Variants in CDKL4 observed in about 807,000 individuals in gnomAD.
CDKL4 encodes cyclin dependent kinase like 4.
CDKL4 carries 44 observed loss-of-function variants against 42.0 expected under a neutral mutation model. The ratio of observed to expected loss-of-function variants is 1.05; its 90% CI spans 0.82 to 1.35. The LOEUF is 1.35. CDKL4 is among the 40% of genes most tolerant of loss of function. CDKL4 has a pLI of 0.00. For synonymous variants in CDKL4, 120 were observed against 121.6 expected (o/e 0.99, Z 0.09); for missense variants, 393 against 369.9 (o/e 1.06, Z -0.51).
intron 1 of CDKL4, among the ~76,000 whole-genome samples, chr2:39,231,047 T>C (rs1383581318): frequency 6.6e-6 from 1 of 152,060 alleles, no homozygotes; most frequent in Admixed American, 6.6e-5. Flanking sequence ...CTGTCTCTAC[T>C]AAAAACACCA....
rs1229501646 is a variant in CDKL4 at position 39,179,330 on chromosome 2, G to A, written c.793-9C>T. 6.3e-7 allele frequency: 1 copy of A among 1,581,190 alleles called. No homozygotes were observed. The highest frequency in any genetic ancestry group is 8.6e-7 in the Non-Finnish European group (1 of 1,169,500). ...TTCATCTTCAGACACCCCTTTGGAG[G>A]AAGAGAATAGCAAAGAAGATGTTAA... is the stretch of plus-strand genomic sequence containing the variant. On this transcript the variant is annotated splice_polypyrimidine_tract_variant and intron_variant, in intron 8 of 9. Coordinates refer to ENST00000451199, the Ensembl canonical transcript of CDKL4.
chr2:39,174,882 T>C (rs1675104098), downstream of CDKL4, among the ~76,000 whole-genome samples: 1 of 152,070 alleles, frequency 6.6e-6, no homozygotes, highest in South Asian at 2.1e-4. Flanking sequence ...ATTTTAAGTA[T>C]ATATTTACAA....
At chr2:39,172,788 G>T (rs539520306), downstream of CDKL4, among the ~76,000 whole-genome samples, 66 of 152,178 alleles carry the variant, frequency 4.3e-4, no homozygotes, top group African/African-American at 1.6e-3. Flanking sequence ...TACCATGTTG[G>T]CCAGACCGGT....
chr2:39,187,688 T>G, exon 7 of CDKL4: 1 of 1,612,272 alleles, frequency 6.2e-7, no homozygotes, highest in South Asian at 1.1e-5. Flanking sequence ...AAAGATTGAT[T>G]GATGTCTTGG....
intron 9 of CDKL4, chr2:39,178,564 A>G: frequency 6.4e-7 from 1 of 1,551,242 alleles, no homozygotes; most frequent in East Asian, 2.4e-5. Context: ...TTAACTTCAA[A>G]GTTTTCTGAA....
intron 7 of CDKL4, among the ~76,000 whole-genome samples, chr2:39,186,588 G>A (rs180806906): frequency 1.3e-5 from 2 of 152,306 alleles, no homozygotes; most frequent in Admixed American, 1.3e-4. Context: ...TAAAGGCAAA[G>A]ACCATTGCAA....
At chr2:39,205,918 G>A (rs1352747995) in intron 4 of CDKL4, among the ~76,000 whole-genome samples, 6 of 152,124 alleles carry the variant, frequency 3.9e-5, no homozygotes, top group Non-Finnish European at 7.4e-5. Flanking sequence ...AGGGGATGGG[G>A]ATCACTTCCA....
At chr2:39,178,841 A>T (rs1675277982) in intron 9 of CDKL4, 4 of 1,515,324 alleles carry the variant, frequency 2.6e-6, no homozygotes, top group Non-Finnish European at 3.5e-6. Context: ...TTCCTTTGCA[A>T]TGCTGGCAAA....
At chr2:39,220,173 T>C (rs773562744) in intron 3 of CDKL4, among the ~76,000 whole-genome samples, 9 of 152,184 alleles carry the variant, frequency 5.9e-5, no homozygotes, top group Admixed American at 6.5e-5. Context: ...CTTGAAAGTA[T>C]TCATGTAACT....
At chr2:39,173,417 C>T (rs965793430), downstream of CDKL4, among the ~76,000 whole-genome samples, 1 of 152,108 alleles carries the variant, frequency 6.6e-6, no homozygotes, top group Non-Finnish European at 1.5e-5. Context: ...TGGGTCACAC[C>T]TGTAATCCCA....
chr2:39,178,401 C>T, intron 9 of CDKL4: 1 of 638,568 alleles, frequency 1.6e-6, no homozygotes, highest in Non-Finnish European at 2.6e-6. Context: ...TGGAAATTAC[C>T]AACTCAGTTT....
chr2:39,198,115 C>T (rs1032888452), intron 5 of CDKL4, among the ~76,000 whole-genome samples: 1 of 152,062 alleles, frequency 6.6e-6, no homozygotes, highest in Non-Finnish European at 1.5e-5. Flanking sequence ...TAAGGACTCA[C>T]ATAAGCTTAA....
intron 5 of CDKL4, among the ~76,000 whole-genome samples, chr2:39,196,866 C>G (rs1318427662): frequency 1.3e-5 from 2 of 152,166 alleles, no homozygotes; most frequent in African/African-American, 4.8e-5. Flanking sequence ...CTTGGCCTCC[C>G]AAAGTGTTGG....
At chr2:39,188,714 G>C (rs1675991210) in intron 6 of CDKL4, among the ~76,000 whole-genome samples, 1 of 151,694 alleles carries the variant, frequency 6.6e-6, no homozygotes, top group South Asian at 2.1e-4. Context: ...TTTTCAGACA[G>C]GGTCTCTCTC....
chr2:39,243,113 CAAAAAAAAAAAAAAAAAAAAAAAAAA>C (rs57132937), intron 1 of CDKL4, among the ~76,000 whole-genome samples: 1 of 38,420 alleles, frequency 2.6e-5, no homozygotes, highest in Non-Finnish European at 3.9e-5. Flanking sequence ...GACCCTGTCT[CAAAAAAAAAAAAAAAAAAAAAAAAAA>C]AAAAAAAAAA....
intron 1 of CDKL4, among the ~76,000 whole-genome samples, chr2:39,230,235 C>A (rs1001458829): frequency 6.6e-6 from 1 of 152,176 alleles, no homozygotes; most frequent in Non-Finnish European, 1.5e-5. Context: ...CAAAATTAGC[C>A]AGGTGTGGTG....
At chr2:39,182,060 C>T (rs1014493618) in intron 8 of CDKL4, among the ~76,000 whole-genome samples, 6 of 152,102 alleles carry the variant, frequency 3.9e-5, no homozygotes, top group Admixed American at 1.3e-4. Context: ...TGGCTCACTG[C>T]GGCCTTCAGC....
At chr2:39,183,795 G>A (rs1558545073) in intron 8 of CDKL4, among the ~76,000 whole-genome samples, 1 of 152,132 alleles carries the variant, frequency 6.6e-6, no homozygotes, top group Admixed American at 6.5e-5. Context: ...GGTATGGGGA[G>A]TCTGAGAGCA....
At chr2:39,233,124 C>G (rs1389484196) in intron 1 of CDKL4, among the ~76,000 whole-genome samples, 5 of 150,792 alleles carry the variant, frequency 3.3e-5, no homozygotes, top group Non-Finnish European at 7.4e-5. Flanking sequence ...CTCTTGAGCT[C>G]CCACTGTAAA....
Sources: allele counts gnomAD v4.1 joint callset (sites outside exome capture counted in the v4.1 genomes callset), GRCh38; gene constraint gnomAD v4.1.1; transcripts MANE v1.5; gene names NCBI Gene and HGNC (gene_info 2026-07-23, HGNC 2026-07-21).